Variants in TSHZ2 observed in about 807,000 individuals in gnomAD.
The protein encoded by TSHZ2 is teashirt homolog 2.
Under a neutral mutation model 74.4 loss-of-function variants are expected in TSHZ2, and 21 were observed. The observed-to-expected ratio is 0.28, with a 90% confidence interval of 0.20 to 0.41. The LOEUF (loss-of-function observed/expected upper bound fraction) is 0.41, where lower values mean the gene tolerates loss of function less well. Among genes scored for constraint, TSHZ2 ranks in the 10% least tolerant of loss-of-function variants. The pLI, the probability that TSHZ2 is intolerant of heterozygous loss-of-function variation, is 1.00. For synonymous variants in TSHZ2, 540 were observed against 515.3 expected, an observed-to-expected ratio of 1.05 and a Z score of -0.65; for missense variants, 1,244 against 1,293.5, an observed-to-expected ratio of 0.96 and a Z score of 0.59.
At chr20:53,001,205 C>CGCGTGTGT (rs1294899767) in intron 1 of TSHZ2, among the ~76,000 whole-genome samples, 10 of 94,264 alleles carry the variant, frequency 1.1e-4, no homozygotes, top group Admixed American at 5.1e-4. Flanking sequence ...CGTTCATGTG[C>CGCGTGTGT]GTGTGTGTGT....
chr20:53,482,996 C>A (rs997383118), intron 2 of TSHZ2, among the ~76,000 whole-genome samples: 8 of 152,210 alleles, frequency 5.3e-5, no homozygotes, highest in African/African-American at 1.7e-4. Context: ...TCTCTTTACC[C>A]TTCTTCAAGT....
chr20:53,265,981 C>A (rs539199938), intron 2 of TSHZ2, among the ~76,000 whole-genome samples: 3 of 152,100 alleles, frequency 2.0e-5, no homozygotes, highest in African/African-American at 7.2e-5. Context: ...GGGAAAAATG[C>A]GAGCTCCCTG....
chr20:53,210,198 T>C (rs1252649432), intron 1 of TSHZ2, among the ~76,000 whole-genome samples: 2 of 152,192 alleles, frequency 1.3e-5, no homozygotes, highest in Admixed American at 6.5e-5. Flanking sequence ...TGTGTTGCAG[T>C]GTGCCGTTTT....
At chr20:53,227,402 T>C (rs767737984) in intron 1 of TSHZ2, among the ~76,000 whole-genome samples, 1 of 152,124 alleles carries the variant, frequency 6.6e-6, no homozygotes, top group Non-Finnish European at 1.5e-5. Flanking sequence ...GGCTGTGCTA[T>C]ATTTTATGTT....
chr20:53,469,052 T>A (rs1205436926), intron 2 of TSHZ2, among the ~76,000 whole-genome samples: 1 of 96,016 alleles, frequency 1.0e-5, no homozygotes, highest in Non-Finnish European at 1.9e-5. Context: ...ATTTTATATA[T>A]ATATATATAT....
At chr20:53,459,056 A>G (rs766327972) in intron 2 of TSHZ2, among the ~76,000 whole-genome samples, 5 of 152,122 alleles carry the variant, frequency 3.3e-5, no homozygotes, top group Admixed American at 2.6e-4. Flanking sequence ...TGGGGTGGAG[A>G]GTCCTGTAGA....
chr20:53,084,651 CTCTCTCCT>C lies in TSHZ2; in HGVS notation c.40+111334_40+111341del, dbSNP rs1356262151. On this transcript the variant is annotated intron_variant, in intron 1 of 2. Transcript: ENST00000371497. ...CCTCCCTCCCTCCCTCCCTCTCTCC[CTCTCTCCT>C]TCTCTCCTTCTCTCCCTCCCTCCCT... Among the ~76,000 whole-genome samples, 21 of 108,006 alleles carry C rather than the reference CTCTCTCCT, an allele frequency of 1.9e-4. No individual in the cohort carries two copies. In the South Asian group the frequency reaches 5.1e-3, roughly 26 times the overall value. 70.9% of individuals were successfully genotyped at this position (108,006 alleles called of 152,430 possible).
rs1986406004 is a variant in TSHZ2, at chr20:53,489,964, C to G, written c.*2829C>G. On this transcript the variant is annotated 3_prime_UTR_variant, in exon 3 of 3. Coordinates refer to ENST00000371497, the MANE Select transcript of TSHZ2 (RefSeq NM_173485.6). ...CCTTCATACCACTGCTTTCTTTTTG[C>G]TGAATAAAACACAGTTCTGATAAGT... 1 of 152,160 alleles carries G rather than the reference C, an allele frequency of 6.6e-6. No individual in the cohort carries two copies. Among genetic ancestry groups the G allele is most frequent in the Non-Finnish European group, 1.5e-5 (1 of 68,022 alleles). 9.4% of individuals were successfully genotyped at this position (152,160 alleles called of 1,614,324 possible). A position where few individuals can be genotyped will look rare whatever the true frequency, so the allele number is the denominator to read the frequency against.
chr20:53,009,465 G>A (rs990748907), intron 1 of TSHZ2, among the ~76,000 whole-genome samples: 23 of 152,152 alleles, frequency 1.5e-4, no homozygotes, highest in Admixed American at 1.3e-3. Flanking sequence ...AAGCGGGACA[G>A]CTCAGGATTT....
chr20:53,101,733 A>G (rs1482802198), intron 1 of TSHZ2, among the ~76,000 whole-genome samples: 1 of 152,188 alleles, frequency 6.6e-6, no homozygotes, highest in African/African-American at 2.4e-5. Context: ...AATTGAGCTG[A>G]AAAGTTCATC....
intron 1 of TSHZ2, among the ~76,000 whole-genome samples, chr20:53,118,700 G>C (rs1430302995): frequency 6.6e-6 from 1 of 152,136 alleles, no homozygotes; most frequent in East Asian, 1.9e-4. Flanking sequence ...TTTTCTGGAG[G>C]GGGGAAGCTG....
chr20:53,032,787 A>T (rs1010238123), intron 1 of TSHZ2, among the ~76,000 whole-genome samples: 3 of 151,514 alleles, frequency 2.0e-5, no homozygotes, highest in Admixed American at 1.3e-4. Flanking sequence ...GAGGCCTGCT[A>T]GCATAGTCAT....
At position 53,257,913 on chromosome 20, in the gene TSHZ2, G is replaced by C. The variant is rs546003069; in HGVS notation, c.*8+1342G>C. Among the ~76,000 whole-genome samples the C allele has an allele frequency of 8.5e-5, 13 of 152,350 alleles. No individual in the cohort carries two copies. In the South Asian group the frequency reaches 2.7e-3, roughly 32 times the overall value. On this transcript the variant is annotated intron_variant, in intron 2 of 2. Transcript: ENST00000371497. ...GAAGACTTTCAGAACAAGCTAGAAA[G>C]GTAGGACACTAGGAGAGTTCCAGGT...
At chr20:53,173,193 C>T (rs1988243076) in intron 1 of TSHZ2, among the ~76,000 whole-genome samples, 1 of 152,176 alleles carries the variant, frequency 6.6e-6, no homozygotes, top group Non-Finnish European at 1.5e-5. Context: ...GGGGGAATAA[C>T]TTTAACAAAA....
At chr20:53,392,430 C>T (rs758677597) in intron 2 of TSHZ2, among the ~76,000 whole-genome samples, 3 of 152,004 alleles carry the variant, frequency 2.0e-5, no homozygotes, top group Admixed American at 6.6e-5. Flanking sequence ...GGCAACAGAG[C>T]GAGACTCTGT....
At chr20:53,332,260 G>A (rs780765596) in intron 2 of TSHZ2, among the ~76,000 whole-genome samples, 1 of 152,166 alleles carries the variant, frequency 6.6e-6, no homozygotes, top group Admixed American at 6.5e-5. Flanking sequence ...AACAAAAACA[G>A]CTCCTAGCCT....
At chr20:53,156,280 G>A (rs1987791724) in intron 1 of TSHZ2, among the ~76,000 whole-genome samples, 1 of 152,158 alleles carries the variant, frequency 6.6e-6, no homozygotes, top group Non-Finnish European at 1.5e-5. Context: ...GAAAACATAT[G>A]TCTCTGTGGA....
intron 2 of TSHZ2, chr20:53,400,089 T>C (rs562332299): frequency 1.4e-4 from 22 of 152,816 alleles, no homozygotes; most frequent in African/African-American, 5.3e-4. Context: ...GGCCACTCAC[T>C]GCGGAGTGCT....
At chr20:53,469,895 AAAGG>A (rs1476111183) in intron 2 of TSHZ2, among the ~76,000 whole-genome samples, 1 of 126,424 alleles carries the variant, frequency 7.9e-6, no homozygotes, top group Non-Finnish European at 1.7e-5. Flanking sequence ...GAGAGAGAGG[AAAGG>A]AGGAAGGAAG....
Sources: allele counts gnomAD v4.1 joint callset (sites outside exome capture counted in the v4.1 genomes callset), GRCh38; gene constraint gnomAD v4.1.1; transcripts MANE v1.5; gene names NCBI Gene and HGNC (gene_info 2026-07-23, HGNC 2026-07-21).